The following PBX2 variants were observed in gnomAD, a reference collection of about 807,000 sequenced individuals.
PBX2 encodes the protein PBX homeobox 2.
Under a neutral mutation model 46.5 loss-of-function variants are expected in PBX2, and 10 were observed. The observed-to-expected ratio is 0.21, with a 90% CI of 0.13 to 0.36. PBX2 has a LOEUF of 0.36. PBX2 is among the 10% of genes least tolerant of loss of function. PBX2 has a pLI of 1.00. For missense variants in PBX2, 392 were observed against 580.5 expected, an observed-to-expected ratio of 0.68 and a Z score of 3.34; for synonymous variants, 160 against 222.5, an observed-to-expected ratio of 0.72 and a Z score of 2.50.
Position 32,187,545 on chromosome 6 carries a change from A to G in PBX2, c.870+102T>C. 6.6e-7 allele frequency: 1 copy of G among 1,513,548 alleles called. No homozygotes were observed. Among genetic ancestry groups the G allele is most frequent in the Non-Finnish European group, 8.9e-7 (1 of 1,119,700 alleles). The allele number at this position is 1,513,548 out of a possible 1,614,324, so 93.8% of individuals were successfully genotyped here. On this transcript the variant is annotated intron_variant, in intron 5 of 8. Coordinates refer to ENST00000375050, the MANE Select transcript of PBX2 (RefSeq NM_002586.5). The surrounding 1 kb of genome is among the most constrained non-coding windows in gnomAD (Gnocchi z 7.7). Reference sequence around the variant, plus strand: ...GGTCTCCAATTCAAGTGATCCTCCCACTTCAGCCTCCCTAGTAGCTGGGAT... The same window carrying G: ...GGTCTCCAATTCAAGTGATCCTCCCGCTTCAGCCTCCCTAGTAGCTGGGAT...
chr6:32,187,142 C>A lies in PBX2; in HGVS notation c.1024+100G>T. On this transcript the variant is annotated intron_variant, in intron 6 of 8. Coordinates refer to ENST00000375050, the MANE Select transcript of PBX2 (RefSeq NM_002586.5). The surrounding 1 kb of genome is among the most constrained non-coding windows in gnomAD (Gnocchi z 7.7). The stretch of plus-strand genomic sequence containing the variant: ...CTATCTCAGCTCGGTCCCTCTCACC[C>A]CAAAAGGCCCCCTCTCTGCTATGAT... 1 of 1,469,210 alleles carries A rather than the reference C, an allele frequency of 6.8e-7. No homozygotes were observed. Among genetic ancestry groups the A allele is most frequent in the East Asian group, 2.4e-5 (1 of 42,518 alleles). 91.0% of individuals were successfully genotyped at this position (1,469,210 alleles called of 1,614,324 possible).
chr6:32,187,769 T>C lies in PBX2; in HGVS notation c.748A>G (p.Asn250Asp). The stretch of plus-strand genomic sequence containing the variant: ...ACCTCAGTGGCCTGTTTGCTGAAGT[T>C]ACGGCGCTTTCGTCTACAGAGGAGG... ...RFLDARRKRR[N>D]FSKQATEVLN... The change falls in exon 5 of 9, where the codon AAC becomes GAC. Residue 250 changes from asparagine (N) to aspartate (D), a missense_variant. Transcript: ENST00000375050. This position sits in a 1 kb window ranked among gnomAD's most constrained non-coding sequence, Gnocchi z 7.7. 6.2e-7 allele frequency: 1 copy of C among 1,612,848 alleles called. No individual in the cohort carries two copies. The highest frequency in any genetic ancestry group is 8.5e-7 in the Non-Finnish European group (1 of 1,179,928).
In PBX2 at chr6:32,187,284, C is replaced by A. The variant is rs548074947; in HGVS notation, c.982G>T (p.Gly328Cys). The A allele has an allele frequency of 2.4e-5, 38 of 1,612,996 alleles. No homozygotes were observed. In the Admixed American group the frequency reaches 6.2e-4, roughly 26 times the overall value. Residue 328 changes from glycine to cysteine, a missense_variant, in exon 6 of 9, where the codon GGC becomes TGC. Physicochemically the swap from Gly to Cys is radical, Grantham distance 159. Transcript: ENST00000375050. This position sits in a 1 kb window ranked among gnomAD's most constrained non-coding sequence, Gnocchi z 7.7. ...VKTAVSVTQG[G>C]HSRTSSPTPP... Reference sequence around the variant, plus strand: ...GTCGGGGAGCTGGTGCGGCTGTGGCCCCCCTGGGTGACTGACACGGCGGTC... The same window carrying A: ...GTCGGGGAGCTGGTGCGGCTGTGGCACCCCTGGGTGACTGACACGGCGGTC...
chr6:32,186,374 G>A lies in PBX2; in HGVS notation c.*8C>T, dbSNP rs1787143021. 1 of 1,586,046 alleles carries A rather than the reference G, an allele frequency of 6.3e-7. No homozygotes were observed. Among genetic ancestry groups the A allele is most frequent in the South Asian group, 1.1e-5 (1 of 90,300 alleles). ...GAGCCCCCACCCCTGTGACCCTGAGGGGCAAGATCAGTTGGAGGTATCAGA... is the reference window on the plus strand; with the variant it reads ...GAGCCCCCACCCCTGTGACCCTGAGAGGCAAGATCAGTTGGAGGTATCAGA... On this transcript the variant is annotated 3_prime_UTR_variant, in exon 9 of 9. Transcript: ENST00000375050. This position sits in a 1 kb window ranked among gnomAD's most constrained non-coding sequence, Gnocchi z 4.2.
At position 32,186,424 on chromosome 6, in the gene PBX2, T is replaced by C; in HGVS notation, c.1251A>G (p.Pro417=). Residue 417 remains proline, a synonymous_variant, in exon 9 of 9, where the codon CCA becomes CCG. Transcript: ENST00000375050. This position sits in a 1 kb window ranked among gnomAD's most constrained non-coding sequence, Gnocchi z 4.2. ...EAVTPSSVTS[P]TEGPGSVHSD... ...AGTGAACACTCCCTGGTCCCTCCGT[T>C]GGGGATGTCACTGAAGAGGGGGTCA... 6.2e-7 allele frequency: 1 copy of C among 1,613,002 alleles called. No homozygotes were observed. The highest frequency in any genetic ancestry group is 1.7e-5 in the Admixed American group (1 of 60,022).
At position 32,189,415 on chromosome 6, in the gene PBX2, C is replaced by A. The variant is rs1787299028; in HGVS notation, c.221+280G>T. ...TTCTTAGTCTGGGAGCCAGAGGGGG[C>A]TCCCGGGGATGGGGCTGTTCCAGGA... On this transcript the variant is annotated intron_variant, in intron 1 of 8. Coordinates refer to ENST00000375050, the MANE Select transcript of PBX2 (RefSeq NM_002586.5). The surrounding 1 kb of genome is among the most constrained non-coding windows in gnomAD (Gnocchi z 4.7). Among the ~76,000 whole-genome samples, 1 of 151,988 alleles carries A rather than the reference C, an allele frequency of 6.6e-6. No individual in the cohort carries two copies. Among genetic ancestry groups the A allele is most frequent in the Admixed American group, 6.6e-5 (1 of 15,260 alleles).
chr6:32,186,919 GGAAGA>G lies in PBX2; in HGVS notation c.1025-23_1025-19del, dbSNP rs768248225. 6.2e-7 allele frequency: 1 copy of G among 1,608,496 alleles called. No homozygotes were observed. Among genetic ancestry groups the G allele is most frequent in the Admixed American group, 1.7e-5 (1 of 59,990 alleles). On this transcript the variant is annotated intron_variant, in intron 6 of 8. Coordinates refer to ENST00000375050, the MANE Select transcript of PBX2 (RefSeq NM_002586.5). This position sits in a 1 kb window ranked among gnomAD's most constrained non-coding sequence, Gnocchi z 4.2. ...GCCAGAGCCTTGTGGGGGCAGAGAG[GGAAGA>G]GTGTAATAGAGCCCGTGATGGTAGA...
In PBX2 at chr6:32,189,142, A is replaced by G; in HGVS notation, c.222-346T>C. 1 of 413,750 alleles carries G rather than the reference A, an allele frequency of 2.4e-6. No homozygotes were observed. Among genetic ancestry groups the G allele is most frequent in the African/African-American group, 2.0e-5 (1 of 50,388 alleles). The allele number at this position is 413,750 out of a possible 1,614,324, so 25.6% of individuals were successfully genotyped here. A position where few individuals can be genotyped will look rare whatever the true frequency, so the allele number is the denominator to read the frequency against. On this transcript the variant is annotated intron_variant, in intron 1 of 8. Coordinates refer to ENST00000375050, the MANE Select transcript of PBX2 (RefSeq NM_002586.5). This position sits in a 1 kb window ranked among gnomAD's most constrained non-coding sequence, Gnocchi z 4.7. ...GGGAGAGAGACAGAGGCTGGGGTTGAGAAGAGTCAGAGTTTGAGGTGGCAG... is the reference window on the plus strand; with the variant it reads ...GGGAGAGAGACAGAGGCTGGGGTTGGGAAGAGTCAGAGTTTGAGGTGGCAG...
chr6:32,185,997 G>A lies in PBX2; in HGVS notation c.*385C>T, dbSNP rs1028443525. 31 of 204,728 alleles carry A rather than the reference G, an allele frequency of 1.5e-4. No homozygotes were observed. The highest frequency in any genetic ancestry group is 7.0e-4 in the African/African-American group (30 of 42,818). 12.7% of individuals were successfully genotyped at this position (204,728 alleles called of 1,614,324 possible). A position where few individuals can be genotyped will look rare whatever the true frequency, so the allele number is the denominator to read the frequency against. On this transcript the variant is annotated 3_prime_UTR_variant, in exon 9 of 9. Coordinates refer to ENST00000375050, the MANE Select transcript of PBX2 (RefSeq NM_002586.5). The stretch of plus-strand genomic sequence containing the variant: ...AAGTGGGGTGGGGAAGGGAAAGTGG[G>A]GGAGCCCAGGAGAGAAACAGAATAG...
In PBX2 at chr6:32,188,364, A is replaced by C. The variant is rs1561894019; in HGVS notation, c.436T>G (p.Ser146Ala). The change falls in exon 3 of 9, where the codon TCT (serine) becomes GCT (alanine). Residue 146 changes from serine to alanine, a missense_variant. By Grantham distance (99) the Ser-to-Ala change is moderately conservative (BLOSUM62 1). Around this residue, in one of 3 missense-constraint regions of PBX2, gnomAD observed 196 missense variants for 246.9 expected, o/e 0.79. Transcript: ENST00000375050. This position sits in a 1 kb window ranked among gnomAD's most constrained non-coding sequence, Gnocchi z 6.5. Reference protein sequence around the residue: ...SAAAAAAAAASGGGVSPDNSI... With the variant: ...SAAAAAAAAAAGGGVSPDNSI... Reference sequence around the variant, plus strand: ...TTGTCAGGGGACACACCACCACCAGAGGCTGCAGCGGCTGCAGCTGCTGCT... The same window carrying C: ...TTGTCAGGGGACACACCACCACCAGCGGCTGCAGCGGCTGCAGCTGCTGCT... The C allele has an allele frequency of 6.2e-7, 1 of 1,614,072 alleles. No homozygotes were observed. The highest frequency in any genetic ancestry group is 1.7e-5 in the Admixed American group (1 of 60,028).
In PBX2 at chr6:32,186,737, G is replaced by T. The variant is rs773222978; in HGVS notation, c.1114-47C>A. 59 of 1,596,506 alleles carry T rather than the reference G, an allele frequency of 3.7e-5. 1 individual carries two copies. In the East Asian group the frequency reaches 1.3e-3, roughly 35 times the overall value. On this transcript the variant is annotated intron_variant, in intron 7 of 8. Coordinates refer to ENST00000375050, the MANE Select transcript of PBX2 (RefSeq NM_002586.5). The surrounding 1 kb of genome is among the most constrained non-coding windows in gnomAD (Gnocchi z 4.2). The stretch of plus-strand genomic sequence containing the variant: ...ATGACAGTGAAGAGAAGCCTCAGAG[G>T]AAAGAGGTCTTGTATCCTAAAGTAG...
rs1445192890 is a variant in PBX2 at position 32,189,109 on chromosome 6, G to A, written c.222-313C>T. The A allele has an allele frequency of 8.3e-6, 4 of 483,980 alleles. No individual in the cohort carries two copies. Among genetic ancestry groups the A allele is most frequent in the Non-Finnish European group, 1.1e-5 (3 of 266,362 alleles). The allele number at this position is 483,980 out of a possible 1,614,324, so 30.0% of individuals were successfully genotyped here. On this transcript the variant is annotated intron_variant, in intron 1 of 8. Transcript: ENST00000375050. The surrounding 1 kb of genome is among the most constrained non-coding windows in gnomAD (Gnocchi z 4.7). The stretch of plus-strand genomic sequence containing the variant: ...TGGAGAAAGGAAAGTGACTTGGTAG[G>A]TTTCAGAGGGAGAGAGACAGAGGCT...
chr6:32,188,804 G>A lies in PBX2; in HGVS notation c.222-8C>T. The stretch of plus-strand genomic sequence containing the variant: ...CAGTTTAGGGCGTGTTTCCTTGGGA[G>A]GAGTGGGAGTGGGGAAAGAGAAAAG... On this transcript the variant is annotated splice_polypyrimidine_tract_variant and splice_region_variant and intron_variant, in intron 1 of 8. Transcript: ENST00000375050. This position sits in a 1 kb window ranked among gnomAD's most constrained non-coding sequence, Gnocchi z 6.5. 1 of 1,612,320 alleles carries A rather than the reference G, an allele frequency of 6.2e-7. No individual in the cohort carries two copies. Among genetic ancestry groups the A allele is most frequent in the Non-Finnish European group, 8.5e-7 (1 of 1,179,426 alleles).
In PBX2 at chr6:32,187,719, G is replaced by T; in HGVS notation, c.798C>A (p.His266Gln). Residue 266 changes from histidine (H) to glutamine (Q), a missense_variant, in exon 5 of 9, where the codon CAC becomes CAA. Physicochemically the swap from His to Gln is conservative, Grantham distance 24. This residue lies in a region of PBX2 where 80 missense variants were observed against 175.7 expected (regional missense o/e 0.46). Coordinates refer to ENST00000375050, the MANE Select transcript of PBX2 (RefSeq NM_002586.5). This position sits in a 1 kb window ranked among gnomAD's most constrained non-coding sequence, Gnocchi z 7.7. Reference protein sequence around the residue: ...TEVLNEYFYSHLSNPYPSEEA... With the variant: ...TEVLNEYFYSQLSNPYPSEEA... ...CCTCACTAGGATATGGGTTACTCAG[G>T]TGGGAGTAGAAATACTCATTTAGGA... 1.2e-6 allele frequency: 2 copies of T among 1,611,224 alleles called. No homozygotes were observed. Among genetic ancestry groups the T allele is most frequent in the Non-Finnish European group, 1.7e-6 (2 of 1,179,248 alleles).
In PBX2 at chr6:32,188,557, TCAGTC is replaced by T; in HGVS notation, c.296-58_296-54del. The T allele has an allele frequency of 1.3e-6, 2 of 1,595,366 alleles. No homozygotes were observed. The highest frequency in any genetic ancestry group is 1.7e-6 in the Non-Finnish European group (2 of 1,168,632). On this transcript the variant is annotated intron_variant, in intron 2 of 8. Coordinates refer to ENST00000375050, the MANE Select transcript of PBX2 (RefSeq NM_002586.5). This position sits in a 1 kb window ranked among gnomAD's most constrained non-coding sequence, Gnocchi z 6.5. ...ACCCAGAGACCCCAATACCCAGTGC[TCAGTC>T]CTCCTGGTGCTTCCTGGAGAGCCAA...
Position 32,186,516 on chromosome 6 carries a change from G to C in PBX2, c.1201-42C>G, listed in dbSNP as rs759673970. 5.7e-6 allele frequency: 9 copies of C among 1,592,388 alleles called. No individual in the cohort carries two copies. The highest frequency in any genetic ancestry group is 4.5e-5 in the East Asian group (2 of 44,778). On this transcript the variant is annotated intron_variant, in intron 8 of 8. Coordinates refer to ENST00000375050, the MANE Select transcript of PBX2 (RefSeq NM_002586.5). This position sits in a 1 kb window ranked among gnomAD's most constrained non-coding sequence, Gnocchi z 4.2. Reference sequence around the variant, plus strand: ...AGTACAGAAAACAGAGAAAGCCCTGGGAACCCTGTGTGGGCACAACATTAC... The same window carrying C: ...AGTACAGAAAACAGAGAAAGCCCTGCGAACCCTGTGTGGGCACAACATTAC...
rs1462835785 is a variant in PBX2 at position 32,189,782 on chromosome 6, G to T, written c.134C>A (p.Pro45Gln). ...GATGTCTTGCTTCCCTCGGCCTCCC[G>T]GGACCCCCCCGCTACCCCCACCGGG... ...GDPGGGSGGV[P>Q]GGRGKQDIGD... Residue 45 changes from proline (P) to glutamine (Q), a missense_variant, in exon 1 of 9, where the codon CCG (proline) becomes CAG (glutamine). Pro to Gln is a moderately conservative substitution (Grantham distance 76). Around this residue, in one of 3 missense-constraint regions of PBX2, gnomAD observed 196 missense variants for 246.9 expected, o/e 0.79. Coordinates refer to ENST00000375050, the MANE Select transcript of PBX2 (RefSeq NM_002586.5). This position sits in a 1 kb window ranked among gnomAD's most constrained non-coding sequence, Gnocchi z 4.7. The T allele has an allele frequency of 6.2e-7, 1 of 1,603,566 alleles. No homozygotes were observed. The highest frequency in any genetic ancestry group is 8.5e-7 in the Non-Finnish European group (1 of 1,175,382).
Position 32,188,827 on chromosome 6 carries a change from A to C in PBX2, c.222-31T>G, listed in dbSNP as rs1787267335. ...GAGGAGTGGGAGTGGGGAAAGAGAA[A>C]AGTTGAGGAGCTAGAGAAACAGAGC... On this transcript the variant is annotated intron_variant, in intron 1 of 8. Coordinates refer to ENST00000375050, the MANE Select transcript of PBX2 (RefSeq NM_002586.5). This position sits in a 1 kb window ranked among gnomAD's most constrained non-coding sequence, Gnocchi z 6.5. The C allele has an allele frequency of 6.3e-7, 1 of 1,598,496 alleles. No individual in the cohort carries two copies. The highest frequency in any genetic ancestry group is 1.7e-5 in the Admixed American group (1 of 59,962).
rs1787024525 is a variant in PBX2, at chr6:32,185,623, CCACCACCAA to C, written c.*750_*758del. 1 of 150,698 alleles carries C rather than the reference CCACCACCAA, an allele frequency of 6.6e-6. No individual in the cohort carries two copies. Among genetic ancestry groups the C allele is most frequent in the Non-Finnish European group, 1.5e-5 (1 of 67,790 alleles). The allele number at this position is 150,698 out of a possible 1,614,324, so 9.3% of individuals were successfully genotyped here. A position where few individuals can be genotyped will look rare whatever the true frequency, so the allele number is the denominator to read the frequency against. ...TAAAAATTAAGAACCACCACCACCA[CCACCACCAA>C]CAACAACAAAAACAACAACAACAAC... On this transcript the variant is annotated 3_prime_UTR_variant, in exon 9 of 9. Coordinates refer to ENST00000375050, the MANE Select transcript of PBX2 (RefSeq NM_002586.5).
Sources: gnomAD v4.1 joint callset for allele counts (sites outside exome capture counted in the v4.1 genomes callset) on GRCh38, gnomAD v4.1.1 for gene constraint, gnomAD v4.1.1 regional missense constraint, Gnocchi (gnomAD v3.1) non-coding constraint, MANE v1.5 for transcripts, NCBI Gene and HGNC (gene_info 2026-07-23, HGNC 2026-07-21) for gene names.